The following WDR17 variants were observed in gnomAD, a reference collection of about 807,000 sequenced individuals.
WDR17 encodes the protein WD repeat domain 17.
In WDR17, 143 loss-of-function variants were observed where a neutral mutation model predicts 161.7. The ratio of observed to expected loss-of-function variants is 0.88; its 90% CI spans 0.77 to 1.02. WDR17 has a LOEUF of 1.02. Among genes scored for constraint, WDR17 ranks in the 50% least tolerant of loss-of-function variants. The pLI is 0.00. For missense variants in WDR17, 1,469 were observed against 1,520.9 expected, an observed-to-expected ratio of 0.97 and a Z score of 0.57; for synonymous variants, 517 against 515.6, an observed-to-expected ratio of 1.00 and a Z score of -0.04.
rs1368707662 is a variant in WDR17, at chr4:176,167,640, G to A, written c.2991-1032G>A. ...CCAGCCTGGGCGACAGCGAGACTCC[G>A]TCTCAAAAAAAAAAAAAAAAAAAAA... On this transcript the variant is annotated intron_variant, in intron 22 of 28. Transcript: ENST00000508596. Among the ~76,000 whole-genome samples, 4 of 35,310 alleles carry A rather than the reference G, an allele frequency of 1.1e-4. 1 individual carries two copies. The East Asian group carries it at 3.3e-3, about 29-fold the overall frequency. The allele number at this position is 35,310 out of a possible 152,430, so 23.2% of individuals were successfully genotyped here.
intron 1 of WDR17, among the ~76,000 whole-genome samples, chr4:176,092,293 C>T (rs1170201419): frequency 6.6e-6 from 1 of 152,122 alleles, no homozygotes. Context: ...GATGGTTCAA[C>T]ATATGCAAAT....
intron 1 of WDR17, among the ~76,000 whole-genome samples, chr4:176,075,497 C>T (rs1733842975): frequency 6.6e-6 from 1 of 152,094 alleles, no homozygotes; most frequent in South Asian, 2.1e-4. Context: ...TTTTCATAAC[C>T]ATATTCCATT....
intron 23 of WDR17, among the ~76,000 whole-genome samples, chr4:176,171,488 G>T (rs1750730381): frequency 6.6e-6 from 1 of 152,070 alleles, no homozygotes; most frequent in Non-Finnish European, 1.5e-5. Flanking sequence ...AATTCAGTTT[G>T]TTGTAATTTG....
rs558115358 is a variant in WDR17, at chr4:176,150,062, C to T, written c.2067C>T (p.Gly689=). The T allele has an allele frequency of 1.9e-6, 3 of 1,613,882 alleles. No homozygotes were observed. In the South Asian group the frequency reaches 3.3e-5, roughly 18 times the overall value. Residue 689 remains glycine, a synonymous_variant, in exon 15 of 29, where the codon GGC becomes GGT. Transcript: ENST00000508596. The stretch of plus-strand genomic sequence containing the variant: ...CTTCAGATTATGCTATAGAACCAGG[C>T]ACTCCTCCTCTACTGTGTGGTAAAG... ...IGNTDYAIEP[G]TPPLLCGKVS...
At chr4:176,103,135 G>A (rs1330364324) in intron 1 of WDR17, among the ~76,000 whole-genome samples, 4 of 151,956 alleles carry the variant, frequency 2.6e-5, no homozygotes, top group Non-Finnish European at 5.9e-5. Context: ...TTACCCTTTT[G>A]GGAGCCATCC....
intron 20 of WDR17, among the ~76,000 whole-genome samples, chr4:176,161,867 G>A (rs1749078440): frequency 1.3e-5 from 2 of 152,156 alleles, no homozygotes; most frequent in African/African-American, 4.8e-5. Context: ...TCTGACAGTT[G>A]TGGGGATAGA....
At chr4:176,083,187 T>A (rs1021513258) in intron 1 of WDR17, among the ~76,000 whole-genome samples, 4 of 147,126 alleles carry the variant, frequency 2.7e-5, no homozygotes, top group African/African-American at 7.4e-5. Flanking sequence ...TTTTTAATGT[T>A]TAGACTAGAA....
chr4:176,110,710 A>T (rs758165829), intron 1 of WDR17, among the ~76,000 whole-genome samples: 1 of 152,090 alleles, frequency 6.6e-6, no homozygotes, highest in South Asian at 2.1e-4. Flanking sequence ...CATTTTTTTG[A>T]TCTGAGAGGA....
chr4:176,138,496 C>T (rs560614889), intron 9 of WDR17, among the ~76,000 whole-genome samples: 201 of 151,852 alleles, frequency 1.3e-3, no homozygotes, highest in Non-Finnish European at 2.3e-3. Flanking sequence ...ATAAAAGTTA[C>T]ATCCTTTCCT....
intron 1 of WDR17, chr4:176,098,205 G>C (rs1737209753): frequency 5.2e-6 from 1 of 190,624 alleles, no homozygotes; most frequent in Non-Finnish European, 1.1e-5. Context: ...TACACTGACT[G>C]TATAGAATGA....
In WDR17 at chr4:176,181,422, G is replaced by T; in HGVS notation, c.*1843G>T. Reference sequence around the variant, plus strand: ...GCGGAGGTTGCAGTGAGCTGAGATCGCACTACTGCACTCCAGCCTGGGCGA... The same window carrying T: ...GCGGAGGTTGCAGTGAGCTGAGATCTCACTACTGCACTCCAGCCTGGGCGA... On this transcript the variant is annotated 3_prime_UTR_variant, in exon 29 of 29. Transcript: ENST00000508596. 5.2e-6 allele frequency: 1 copy of T among 192,962 alleles called. No individual in the cohort carries two copies. 12.0% of individuals were successfully genotyped at this position (192,962 alleles called of 1,614,324 possible). A position where few individuals can be genotyped will look rare whatever the true frequency, so the allele number is the denominator to read the frequency against.
Position 176,172,613 on chromosome 4 carries a change from T to C in WDR17, c.3244+97T>C, listed in dbSNP as rs1412108842. On this transcript the variant is annotated intron_variant, in intron 24 of 28. Transcript: ENST00000508596. ...GTTTTAATTCATTTTTGCATTGCTA[T>C]AAAGAAATACCTGAGGCTGGGTAAT... The C allele has an allele frequency of 6.4e-6, 7 of 1,099,910 alleles. No individual in the cohort carries two copies. In the African/African-American group the frequency reaches 1.1e-4, roughly 18 times the overall value. 68.1% of individuals were successfully genotyped at this position (1,099,910 alleles called of 1,614,324 possible). A position where few individuals can be genotyped will look rare whatever the true frequency, so the allele number is the denominator to read the frequency against.
chr4:176,087,448 T>C (rs1735560415), intron 1 of WDR17, among the ~76,000 whole-genome samples: 1 of 152,174 alleles, frequency 6.6e-6, no homozygotes, highest in Admixed American at 6.6e-5. Context: ...TTGTGGTTTC[T>C]GGCATTTTAG....
At chr4:176,155,423 A>G (rs1260029298) in intron 17 of WDR17, among the ~76,000 whole-genome samples, 2 of 151,742 alleles carry the variant, frequency 1.3e-5, no homozygotes, top group Non-Finnish European at 2.9e-5. Flanking sequence ...CATCAAGTTC[A>G]AGATACTTTT....
At chr4:176,126,040 T>TAC (rs1211536703) in intron 5 of WDR17, among the ~76,000 whole-genome samples, 1 of 152,210 alleles carries the variant, frequency 6.6e-6, no homozygotes, top group Admixed American at 6.5e-5. Context: ...AACCCACTCC[T>TAC]ACACTGTCTA....
chr4:176,140,453 G>T (rs983834350), intron 10 of WDR17, among the ~76,000 whole-genome samples: 25 of 152,062 alleles, frequency 1.6e-4, no homozygotes, highest in African/African-American at 5.6e-4. Flanking sequence ...AATGCCTTTT[G>T]TTAGGAAATA....
At chr4:176,173,716 C>G (rs865917164) in intron 25 of WDR17, among the ~76,000 whole-genome samples, 23 of 151,966 alleles carry the variant, frequency 1.5e-4, no homozygotes, top group Middle Eastern at 3.4e-3. Flanking sequence ...GGGGTTTTAC[C>G]ATGTTGGCCA....
rs28559302 is a variant in WDR17, at chr4:176,137,396, A to G, written c.1268-124A>G. ...TAATTTTATACAGTTAATAATTTCA[A>G]TTATAAAAAATTAAAGAACTAGTCT... On this transcript the variant is annotated intron_variant, in intron 8 of 28. Coordinates refer to ENST00000508596, the MANE Select transcript of WDR17 (RefSeq NM_181265.4). The G allele has an allele frequency of 2.9e-3, 1,958 of 672,058 alleles. 35 individuals are homozygous for G. The highest frequency in any genetic ancestry group is 0.029 in the African/African-American group (1,588 of 54,624). 41.6% of individuals were successfully genotyped at this position (672,058 alleles called of 1,614,324 possible).
intron 8 of WDR17, among the ~76,000 whole-genome samples, chr4:176,137,061 G>A (rs1744533045): frequency 6.6e-6 from 1 of 151,344 alleles, no homozygotes; most frequent in Non-Finnish European, 1.5e-5. Flanking sequence ...TATTTTTCCT[G>A]TGATCTGTTC....
Sources: allele counts gnomAD v4.1 joint callset (sites outside exome capture counted in the v4.1 genomes callset), GRCh38; gene constraint gnomAD v4.1.1; transcripts MANE v1.5; gene names NCBI Gene and HGNC (gene_info 2026-07-23, HGNC 2026-07-21).